The following TXLNG variants were observed in gnomAD, a reference collection of about 807,000 sequenced individuals.
The protein encoded by TXLNG is taxilin gamma.
Under a neutral mutation model 38.8 loss-of-function variants are expected in TXLNG, and 5 were observed. That is an observed-to-expected ratio of 0.13 (90% CI 0.07 to 0.27). The LOEUF (loss-of-function observed/expected upper bound fraction) is 0.27, where lower values mean the gene tolerates loss of function less well. TXLNG is among the 10% of genes least tolerant of loss of function. TXLNG has a pLI of 1.00. For synonymous variants in TXLNG, 182 were observed against 158.2 expected (o/e 1.15, Z -1.13); for missense variants, 393 against 398.2 (o/e 0.99, Z 0.11).
intron 7 of TXLNG, 131 bp from the exon 8 acceptor site, chrX:16,837,462 C>G: frequency 2.3e-6 from 1 of 436,017 alleles, no homozygotes; most frequent in Non-Finnish European, 3.9e-6. Context: ...GTCTGGTGTC[C>G]AAGGATTGGA....
chrX:16,824,322 C>T (rs922935109), intron 3 of TXLNG, among the ~76,000 whole-genome samples: 4 of 108,279 alleles, frequency 3.7e-5, no homozygotes, highest in African/African-American at 1.4e-4. Flanking sequence ...CCAGCCTGGG[C>T]GACAGTGCAA....
At chrX:16,799,728 G>A (rs1392960780) in intron 1 of TXLNG, among the ~76,000 whole-genome samples, 4 of 110,365 alleles carry the variant, frequency 3.6e-5, no homozygotes, top group African/African-American at 1.3e-4. Context: ...CCGAGATCGC[G>A]CCACTGAACT....
At chrX:16,831,904 C>T (rs1340912727) in intron 5 of TXLNG, among the ~76,000 whole-genome samples, 1 of 112,127 alleles carries the variant, frequency 8.9e-6, no homozygotes, top group African/African-American at 3.2e-5. Context: ...GGAAGAGTTC[C>T]GTTTCTCCAG....
rs1408184144 is a variant in TXLNG, at chrX:16,797,110, C to T, written c.102+10521C>T. ...ACCAGTGTGGCCAACACAGGGAAAC[C>T]GTATCTCTACTAAAAATACAAAAAT... On this transcript the variant is annotated intron_variant, in intron 1 of 9. Coordinates refer to ENST00000380122, the MANE Select transcript of TXLNG (RefSeq NM_018360.3). 3.6e-5 allele frequency among the ~76,000 whole-genome samples: 4 copies of T among 110,105 alleles called. No individual in the cohort carries two copies. In the East Asian group the frequency reaches 8.5e-4, roughly 23 times the overall value.
chrX:16,792,592 G>A (rs1927741526), intron 1 of TXLNG, among the ~76,000 whole-genome samples: 1 of 108,897 alleles, frequency 9.2e-6, no homozygotes, highest in Non-Finnish European at 1.9e-5. Context: ...ACCCGCTTGG[G>A]CAACACAGGG....
intron 1 of TXLNG, among the ~76,000 whole-genome samples, chrX:16,815,209 T>C (rs1052265528): frequency 4.5e-5 from 5 of 111,992 alleles, no homozygotes; most frequent in African/African-American, 9.7e-5. Context: ...GGAGTCTTGC[T>C]CTGTCGCCCA....
intron 6 of TXLNG, among the ~76,000 whole-genome samples, chrX:16,833,624 T>C (rs1602397547): frequency 9.2e-6 from 1 of 109,011 alleles, no homozygotes; most frequent in Non-Finnish European, 1.9e-5. Context: ...ATAAATTTTA[T>C]ACACACACAC....
intron 1 of TXLNG, among the ~76,000 whole-genome samples, chrX:16,788,758 C>T (rs757903332): frequency 2.8e-5 from 3 of 106,070 alleles, no homozygotes; most frequent in African/African-American, 1.0e-4. Context: ...TCTTCCACCT[C>T]GTGGGTTCCA....
chrX:16,807,422 C>G (rs1928372653), intron 1 of TXLNG, among the ~76,000 whole-genome samples: 1 of 111,697 alleles, frequency 9.0e-6, no homozygotes, highest in Non-Finnish European at 1.9e-5. Context: ...AACATTGACT[C>G]TTGAGTTTGG....
intron 1 of TXLNG, among the ~76,000 whole-genome samples, chrX:16,791,200 A>G (rs1021680186): frequency 1.8e-5 from 2 of 111,718 alleles, no homozygotes; most frequent in African/African-American, 6.5e-5. Context: ...CAACCTTTAT[A>G]TTCTCTCCTC....
chrX:16,803,354 ATTT>A (rs756547872), intron 1 of TXLNG: 4 of 89,945 alleles, frequency 4.4e-5, no homozygotes, highest in Admixed American at 1.3e-4. Flanking sequence ...ATACCCAGCT[ATTT>A]TTTTTTTTTT....
intron 1 of TXLNG, among the ~76,000 whole-genome samples, chrX:16,790,983 T>A (rs1284788589): frequency 8.9e-6 from 1 of 112,056 alleles, no homozygotes; most frequent in Non-Finnish European, 1.9e-5. Context: ...GGCAAGTTTC[T>A]CAATCTTTCT....
At chrX:16,835,806 G>A (rs1277409411) in intron 7 of TXLNG, among the ~76,000 whole-genome samples, 1 of 112,206 alleles carries the variant, frequency 8.9e-6, no homozygotes, top group Non-Finnish European at 1.9e-5. Flanking sequence ...TCATTTCCCA[G>A]CATCTGCTGG....
chrX:16,836,249 G>A (rs778710153), intron 7 of TXLNG, among the ~76,000 whole-genome samples: 1 of 112,000 alleles, frequency 8.9e-6, no homozygotes, highest in Admixed American at 9.4e-5. Context: ...GCGACAGAGT[G>A]AGACCCTAAA....
At chrX:16,822,459 G>T (rs1929011612) in intron 3 of TXLNG, among the ~76,000 whole-genome samples, 1 of 111,846 alleles carries the variant, frequency 8.9e-6, no homozygotes, top group Non-Finnish European at 1.9e-5. Context: ...AGGACGCCCT[G>T]TGCATCAGTG....
intron 1 of TXLNG, among the ~76,000 whole-genome samples, chrX:16,787,184 G>T (rs1397797509): frequency 8.9e-6 from 1 of 112,210 alleles, no homozygotes; most frequent in Non-Finnish European, 1.9e-5. Flanking sequence ...AGGCGAGCGG[G>T]TGAGTGTCGC....
intron 1 of TXLNG, among the ~76,000 whole-genome samples, chrX:16,794,075 T>G (rs1282691848): frequency 8.9e-6 from 1 of 112,076 alleles, no homozygotes; most frequent in Non-Finnish European, 1.9e-5. Context: ...CATCCCAGTT[T>G]ACAGATAAGG....
chrX:16,795,527 G>A (rs1376779588), intron 1 of TXLNG, among the ~76,000 whole-genome samples: 1 of 111,963 alleles, frequency 8.9e-6, no homozygotes, highest in East Asian at 2.8e-4. Context: ...CAGTGGGGGA[G>A]ATCAGGTTCC....
chrX:16,788,702 C>T (rs1283033992), intron 1 of TXLNG, among the ~76,000 whole-genome samples: 2 of 88,656 alleles, frequency 2.3e-5, no homozygotes, highest in African/African-American at 4.3e-5. Flanking sequence ...GAGTCTTGCT[C>T]TGTTACCCAG....
Sources: allele counts gnomAD v4.1 joint callset (sites outside exome capture counted in the v4.1 genomes callset), GRCh38; gene constraint gnomAD v4.1.1; transcripts MANE v1.5; gene names NCBI Gene and HGNC (gene_info 2026-07-23, HGNC 2026-07-21).